SLC22A25: variants seen among roughly 807,000 people sequenced by gnomAD.
SLC22A25 encodes MGI:2442751, MGI:2385316, MGI:3042283, MGI:3645714, MGI:3605624, MGI:2442750.
SLC22A25 carries 44 observed loss-of-function variants against 45.9 expected under a neutral mutation model. The ratio of observed to expected loss-of-function variants is 0.96; its 90% confidence interval spans 0.75 to 1.23. SLC22A25 has a LOEUF of 1.23. Among genes scored for constraint, SLC22A25 ranks in the 50% most tolerant of loss-of-function variants. The probability of loss-of-function intolerance (pLI) is 0.00; values close to 1 mark genes in which losing one functional copy is unlikely to be tolerated. For missense variants in SLC22A25, 800 were observed against 666.4 expected (o/e 1.20, Z -2.21); for synonymous variants, 283 against 238.6 (o/e 1.19, Z -1.72).
chr11:63,170,889 G>A (rs2087855224), intron 9 of SLC22A25, among the ~76,000 whole-genome samples: 1 of 152,126 alleles, frequency 6.6e-6, no homozygotes, highest in Non-Finnish European at 1.5e-5. Context: ...CAATATCCCT[G>A]ATGAACATCA....
At chr11:63,213,791 T>G (rs1340754963) in intron 7 of SLC22A25, among the ~76,000 whole-genome samples, 1 of 152,156 alleles carries the variant, frequency 6.6e-6, no homozygotes, top group African/African-American at 2.4e-5. Flanking sequence ...GCCGGGAAGA[T>G]CTCAGAGATA....
In SLC22A25 at chr11:63,163,640, C is replaced by G; in HGVS notation, c.*184G>C. The G allele has an allele frequency of 2.3e-6, 2 of 871,544 alleles. No individual in the cohort carries two copies. The highest frequency in any genetic ancestry group is 3.3e-6 in the Non-Finnish European group (2 of 605,356). The allele number at this position is 871,544 out of a possible 1,614,324, so 54.0% of individuals were successfully genotyped here. A position where few individuals can be genotyped will look rare whatever the true frequency, so the allele number is the denominator to read the frequency against. On this transcript the variant is annotated 3_prime_UTR_variant, in exon 12 of 12. Transcript: ENST00000306494. The stretch of plus-strand genomic sequence containing the variant: ...TGGTCTTTTCACCACAAATTAACCT[C>G]CTGGACAGGCTGGGCAGAGATGGTC...
intron 3 of SLC22A25, among the ~76,000 whole-genome samples, chr11:63,235,027 C>A (rs1278045412): frequency 1.3e-5 from 2 of 152,174 alleles, no homozygotes; most frequent in East Asian, 1.9e-4. Flanking sequence ...TAATGGGCTT[C>A]CCTGTGGGTA....
Position 63,229,384 on chromosome 11 carries a change from C to A in SLC22A25, c.269G>T (p.Arg90Leu). The change falls in exon 4 of 12, where the codon CGC becomes CTC. Residue 90 changes from arginine (R) to leucine (L), a missense_variant. Physicochemically the swap from Arg to Leu is moderately radical, Grantham distance 102. Transcript: ENST00000306494. ...DSNLRPEKCR[R>L]FVHPQWKLIH... ...GAGCTTCCACTGGGGATGGACAAAG[C>A]GACGACACTTCTCTGGCCTCAGATT... 6.2e-7 allele frequency: 1 copy of A among 1,614,034 alleles called. No homozygotes were observed. The highest frequency in any genetic ancestry group is 8.5e-7 in the Non-Finnish European group (1 of 1,179,958).
At chr11:63,230,210 A>G (rs2090041637) in intron 3 of SLC22A25, among the ~76,000 whole-genome samples, 114 bp from the exon 4 acceptor site, 1 of 152,228 alleles carries the variant, frequency 6.6e-6, no homozygotes. Flanking sequence ...CAAACCTTCC[A>G]TTTTGTTGAC....
chr11:63,195,119 C>T (rs948984599), intron 7 of SLC22A25, among the ~76,000 whole-genome samples: 2 of 151,838 alleles, frequency 1.3e-5, no homozygotes, highest in African/African-American at 4.8e-5. Flanking sequence ...CCTTAGAGAC[C>T]TACAAAGACA....
Position 63,243,571 on chromosome 11 carries a change from C to G in SLC22A25, c.-1133G>C. On this transcript the variant is annotated 5_prime_UTR_variant, in exon 1 of 12. Transcript: ENST00000306494. ...AAAAGCTGTGCATTTATACCGACAA[C>G]TCCATCAAGCCTCAGGAGCTGCTGG... The G allele has an allele frequency of 1.3e-6, 1 of 764,024 alleles. No homozygotes were observed. The highest frequency in any genetic ancestry group is 2.4e-6 in the Non-Finnish European group (1 of 409,438). 47.3% of individuals were successfully genotyped at this position (764,024 alleles called of 1,614,324 possible). A position where few individuals can be genotyped will look rare whatever the true frequency, so the allele number is the denominator to read the frequency against.
intron 7 of SLC22A25, among the ~76,000 whole-genome samples, chr11:63,194,289 A>T (rs960324830): frequency 1.3e-5 from 2 of 152,212 alleles, no homozygotes; most frequent in African/African-American, 4.8e-5. Flanking sequence ...GCAGGCCAAC[A>T]TTCAAATTCA....
chr11:63,160,207 G>A lies in SLC22A25; in HGVS notation c.*3617C>T, dbSNP rs1475361927. 6.6e-6 allele frequency among the ~76,000 whole-genome samples: 1 copy of A among 152,204 alleles called. No individual in the cohort carries two copies. The highest frequency in any genetic ancestry group is 1.5e-5 in the Non-Finnish European group (1 of 68,044). ...AGACAATGGGGAAAATGTCTCCAGG[G>A]CATGTCAGAGACCTTTGTGACAGCC... On this transcript the variant is annotated 3_prime_UTR_variant, in exon 12 of 12. Transcript: ENST00000306494.
rs1471702940 is a variant in SLC22A25, at chr11:63,159,829, G to A, written c.*3995C>T. Reference sequence around the variant, plus strand: ...TATGGAAAATGAAATCCAGGCTGAGGTGGTCTCAGATGAAGATGAAGAACT... The same window carrying A: ...TATGGAAAATGAAATCCAGGCTGAGATGGTCTCAGATGAAGATGAAGAACT... On this transcript the variant is annotated 3_prime_UTR_variant, in exon 12 of 12. Transcript: ENST00000306494. Among the ~76,000 whole-genome samples the A allele has an allele frequency of 1.3e-5, 2 of 152,196 alleles. No homozygotes were observed. Among genetic ancestry groups the A allele is most frequent in the East Asian group, 1.9e-4 (1 of 5,192 alleles).
chr11:63,237,756 C>A (rs927956958), intron 3 of SLC22A25, among the ~76,000 whole-genome samples, 125 bp downstream of exon 3: 3 of 152,188 alleles, frequency 2.0e-5, no homozygotes, highest in Non-Finnish European at 4.4e-5. Context: ...GCCCTCACCA[C>A]ACAGATTGTA....
In SLC22A25 at chr11:63,217,701, G is replaced by A. The variant is rs563995072; in HGVS notation, c.541C>T (p.Leu181Phe). The A allele has an allele frequency of 3.0e-4, 485 of 1,613,490 alleles. 4 individuals carry two copies. The South Asian group carries it at 5.1e-3, about 17-fold the overall frequency. Residue 181 changes from leucine to phenylalanine, a missense_variant, in exon 6 of 12, where the codon CTC (leucine) becomes TTC (phenylalanine). Coordinates refer to ENST00000306494, the MANE Select transcript of SLC22A25 (RefSeq NM_199352.6). ...CAGGTGCCTACAATGGCGAGCTGGA[G>A]GTAAGACCATCTGAGCACGAACTTT... is the stretch of plus-strand genomic sequence containing the variant. ...GRKFVLRWSY[L>F]QLAIVGTCAA...
intron 7 of SLC22A25, among the ~76,000 whole-genome samples, chr11:63,207,057 C>T (rs1358630797): frequency 6.6e-6 from 1 of 152,066 alleles, no homozygotes; most frequent in Non-Finnish European, 1.5e-5. Flanking sequence ...ATAAATGGTG[C>T]TGGGAAAACT....
intron 3 of SLC22A25, among the ~76,000 whole-genome samples, chr11:63,237,217 A>C (rs911747227): frequency 3.3e-5 from 5 of 152,228 alleles, no homozygotes; most frequent in Non-Finnish European, 7.3e-5. Flanking sequence ...GGAAAGGTAT[A>C]GGTTGAAAAA....
rs1167567211 is a variant in SLC22A25 at position 63,159,685 on chromosome 11, G to A, written c.*4139C>T. Among the ~76,000 whole-genome samples the A allele has an allele frequency of 1.4e-5, 1 of 72,208 alleles. No individual in the cohort carries two copies. The highest frequency in any genetic ancestry group is 1.8e-4 in the Admixed American group (1 of 5,580). 47.4% of individuals were successfully genotyped at this position (72,208 alleles called of 152,430 possible). A position where few individuals can be genotyped will look rare whatever the true frequency, so the allele number is the denominator to read the frequency against. On this transcript the variant is annotated 3_prime_UTR_variant, in exon 12 of 12. Transcript: ENST00000306494. The stretch of plus-strand genomic sequence containing the variant: ...TTCTGTAAAGATACCCACAAATGTG[G>A]AAGCAACTTTGGAACTGGGGCAATA...
intron 3 of SLC22A25, among the ~76,000 whole-genome samples, chr11:63,233,203 G>A (rs989571636): frequency 2.0e-5 from 3 of 152,166 alleles, no homozygotes; most frequent in South Asian, 2.1e-4. Context: ...ACTTTAAGAA[G>A]GAATGGTACC....
At chr11:63,217,541 G>T in intron 6 of SLC22A25, 40 bp downstream of exon 6, 1 of 1,609,864 alleles carries the variant, frequency 6.2e-7, no homozygotes, top group Non-Finnish European at 8.5e-7. Context: ...CAATGTCAAA[G>T]CCAAGGCTTG....
chr11:63,203,303 G>C (rs1305700019), intron 7 of SLC22A25, among the ~76,000 whole-genome samples: 1 of 151,966 alleles, frequency 6.6e-6, no homozygotes, highest in African/African-American at 2.4e-5. Context: ...GACACAGAAT[G>C]AGCTTGACAA....
chr11:63,191,880 A>G (rs1258991809), intron 7 of SLC22A25, among the ~76,000 whole-genome samples: 1 of 152,196 alleles, frequency 6.6e-6, no homozygotes, highest in Non-Finnish European at 1.5e-5. Context: ...GAAGAATGGA[A>G]CCAACTTGGA....
Sources: gnomAD v4.1 joint callset for allele counts (sites outside exome capture counted in the v4.1 genomes callset) on GRCh38, gnomAD v4.1.1 for gene constraint, MANE v1.5 for transcripts, NCBI Gene and HGNC (gene_info 2026-07-23, HGNC 2026-07-21) for gene names.